The following PPL variants were observed in gnomAD, a reference collection of about 807,000 sequenced individuals.
PPL encodes periplakin.
A neutral mutation model predicts 194.4 loss-of-function variants in PPL; 198 were observed. That is an observed-to-expected ratio of 1.02 (90% CI 0.91 to 1.15). The LOEUF is 1.15. Ranked by LOEUF, PPL falls within the 50% of genes most tolerant of loss-of-function variation. The pLI is 0.00. For synonymous variants in PPL, 1,220 were observed against 972.4 expected (o/e 1.25, Z -4.74); for missense variants, 2,885 against 2,294.8 (o/e 1.26, Z -5.25).
intron 14 of PPL, 120 bp downstream of exon 14, chr16:4,893,093 C>T: frequency 1.6e-6 from 2 of 1,269,204 alleles, no homozygotes; most frequent in South Asian, 1.6e-5. Context: ...GCAGGCTGTC[C>T]CTGACAGACA....
At chr16:4,905,430 G>A (rs1037466097) in intron 2 of PPL, among the ~76,000 whole-genome samples, 1 of 152,190 alleles carries the variant, frequency 6.6e-6, no homozygotes, top group Non-Finnish European at 1.5e-5. Flanking sequence ...GTGGTTGCCT[G>A]GGGCAGGGCT....
At chr16:4,895,454 C>A (rs760971696) in intron 10 of PPL, 47 bp from the exon 11 acceptor site, 1 of 1,607,258 alleles carries the variant, frequency 6.2e-7, no homozygotes, top group Non-Finnish European at 8.5e-7. Context: ...ACAGCCTTCC[C>A]CCTGGTGGGA....
Position 4,902,177 on chromosome 16 carries a change from G to A in PPL, c.438+229C>T, listed in dbSNP as rs1005101641. On this transcript the variant is annotated intron_variant, in intron 4 of 21. Coordinates refer to ENST00000345988, the MANE Select transcript of PPL (RefSeq NM_002705.5). The surrounding 1 kb of genome is among the most constrained non-coding windows in gnomAD (Gnocchi z 4.0). ...CCAGGAGCAGCAGCGAGGTGTGGCT[G>A]ACAGGGGACAGAGTCCGAATCTCCA... 3.3e-5 allele frequency among the ~76,000 whole-genome samples: 5 copies of A among 152,174 alleles called. No individual in the cohort carries two copies. The highest frequency in any genetic ancestry group is 5.9e-5 in the Non-Finnish European group (4 of 68,036).
At chr16:4,929,296 T>C (rs779958245) in intron 1 of PPL, among the ~76,000 whole-genome samples, 14 of 152,068 alleles carry the variant, frequency 9.2e-5, no homozygotes, top group Non-Finnish European at 1.8e-4. Context: ...CTTCCAGGAC[T>C]GGGCCCCCTT....
chr16:4,922,809 G>C (rs2089077221), intron 1 of PPL, among the ~76,000 whole-genome samples: 1 of 152,352 alleles, frequency 6.6e-6, no homozygotes, highest in African/African-American at 2.4e-5. Context: ...GCCCAGACGT[G>C]CTTTGCTTCT....
intron 11 of PPL, among the ~76,000 whole-genome samples, chr16:4,895,017 ACCTGG>A (rs1173758006): frequency 6.6e-6 from 1 of 152,156 alleles, no homozygotes; most frequent in East Asian, 1.9e-4. Flanking sequence ...GCCAATGAGA[ACCTGG>A]CCTGGGACTT....
intron 1 of PPL, among the ~76,000 whole-genome samples, chr16:4,919,962 G>A (rs2089002294): frequency 6.6e-6 from 1 of 151,782 alleles, no homozygotes; most frequent in Non-Finnish European, 1.5e-5. Flanking sequence ...TGTATTTGTG[G>A]GGTGGGGGTA....
At position 4,892,228 on chromosome 16, in the gene PPL, G is replaced by A. The variant is rs1023429031; in HGVS notation, c.1651-15C>T. 7.5e-6 allele frequency: 12 copies of A among 1,603,618 alleles called. No homozygotes were observed. In the Admixed American group the frequency reaches 1.3e-4, roughly 18 times the overall value. On this transcript the variant is annotated splice_polypyrimidine_tract_variant and intron_variant, in intron 14 of 21. Coordinates refer to ENST00000345988, the MANE Select transcript of PPL (RefSeq NM_002705.5). ...TTGGTGATGTTCTGTGGGAACCAGG[G>A]CCCCTCAGTTTTGGACACAGCCAGG... is the stretch of plus-strand genomic sequence containing the variant.
At chr16:4,906,700 G>T (rs892336541) in intron 2 of PPL, among the ~76,000 whole-genome samples, 3 of 152,246 alleles carry the variant, frequency 2.0e-5, no homozygotes, top group Non-Finnish European at 2.9e-5. Context: ...ACATCTAGCT[G>T]AGGGAGGCTA....
At chr16:4,898,883 G>C (rs1314356773) in intron 8 of PPL, 130 bp downstream of exon 8, 6 of 700,928 alleles carry the variant, frequency 8.6e-6, no homozygotes, top group Non-Finnish European at 1.5e-5. Context: ...GCAAGAAAGA[G>C]ACAGACAGAC....
intron 9 of PPL, 102 bp downstream of exon 9, chr16:4,897,573 T>C: frequency 2.2e-6 from 2 of 903,528 alleles, no homozygotes; most frequent in Non-Finnish European, 3.5e-6. Context: ...GCAAGGCTCC[T>C]GGACCAAGGA....
rs767640519 is a variant in PPL at position 4,927,440 on chromosome 16, G to A, written c.62+9544C>T. ...GTCTTGGAAAGGGCTCTGACATGCTGTTCAAAACTCCTCAGGTGATTCTAA... is the reference window on the plus strand; with the variant it reads ...GTCTTGGAAAGGGCTCTGACATGCTATTCAAAACTCCTCAGGTGATTCTAA... On this transcript the variant is annotated intron_variant, in intron 1 of 21. Coordinates refer to ENST00000345988, the MANE Select transcript of PPL (RefSeq NM_002705.5). 3.9e-5 allele frequency among the ~76,000 whole-genome samples: 6 copies of A among 152,308 alleles called. No individual in the cohort carries two copies. The East Asian group carries it at 7.7e-4, about 20-fold the overall frequency.
At chr16:4,892,571 C>T (rs544728133) in intron 14 of PPL, among the ~76,000 whole-genome samples, 6 of 152,314 alleles carry the variant, frequency 3.9e-5, no homozygotes, top group Non-Finnish European at 5.9e-5. Context: ...GTGACGACTC[C>T]CAGCAGCTTA....
intron 18 of PPL, among the ~76,000 whole-genome samples, 189 bp from the exon 19 acceptor site, chr16:4,889,250 T>TGG (rs1303699099): frequency 0.056 from 5,774 of 103,522 alleles, 721 homozygotes; most frequent in Middle Eastern, 0.17. Context: ...TGTTTTTTTT[T>TGG]TTTTTTTTTT....
chr16:4,899,344 T>A lies in PPL; in HGVS notation c.647A>T (p.Gln216Leu), dbSNP rs186611345. The A allele has an allele frequency of 2.6e-4, 418 of 1,612,000 alleles. 2 individuals are homozygous for A. The East Asian group carries it at 8.7e-3, about 33-fold the overall frequency. Residue 216 changes from glutamine to leucine, a missense_variant, in exon 7 of 22, where the codon CAG becomes CTG. Transcript: ENST00000345988. Reference sequence around the variant, plus strand: ...ATTGGTGCAGCGCTGCATGTAGTCCTGCAGCGAACTCAGGTGCTGCTGCCG... The same window carrying A: ...ATTGGTGCAGCGCTGCATGTAGTCCAGCAGCGAACTCAGGTGCTGCTGCCG... ...QARQQHLSSL[Q>L]DYMQRCTNEL...
At position 4,883,636 on chromosome 16, in the gene PPL, T is replaced by G; in HGVS notation, c.5019A>C (p.Glu1673Asp). ...AGTCAATGAGCCCGGCACGGTGGGCTTCCTCCGGGGACAGCTCGCGGCCTG... is the reference window on the plus strand; with the variant it reads ...AGTCAATGAGCCCGGCACGGTGGGCGTCCTCCGGGGACAGCTCGCGGCCTG... ...PDTGRELSPE[E>D]AHRAGLIDWN... The change falls in exon 22 of 22, where the codon GAA (glutamate) becomes GAC (aspartate). Residue 1673 changes from glutamate (E) to aspartate (D), a missense_variant. Transcript: ENST00000345988. The surrounding 1 kb of genome is among the most constrained non-coding windows in gnomAD (Gnocchi z 4.8). 6.2e-7 allele frequency: 1 copy of G among 1,614,212 alleles called. No homozygotes were observed. The highest frequency in any genetic ancestry group is 8.5e-7 in the Non-Finnish European group (1 of 1,180,036).
chr16:4,922,824 T>C (rs1478192056), intron 1 of PPL, among the ~76,000 whole-genome samples: 1 of 152,196 alleles, frequency 6.6e-6, no homozygotes, highest in African/African-American at 2.4e-5. Flanking sequence ...GCTTCTGCCC[T>C]GTGAATGTTG....
At position 4,895,323 on chromosome 16, in the gene PPL, G is replaced by A. The variant is rs1477317885; in HGVS notation, c.1180C>T (p.Arg394Cys). 11 of 1,613,228 alleles carry A rather than the reference G, an allele frequency of 6.8e-6. No individual in the cohort carries two copies. Among genetic ancestry groups the A allele is most frequent in the East Asian group, 2.2e-5 (1 of 44,894 alleles). Reference protein sequence around the residue: ...RGQQVVPLKYRRETPLKPIPV... With the variant: ...RGQQVVPLKYCRETPLKPIPV... ...ATGGGCTTGAGCGGAGTCTCCCGGCGGTACTTGAGGGGCACCACCTGCTGG... is the reference window on the plus strand; with the variant it reads ...ATGGGCTTGAGCGGAGTCTCCCGGCAGTACTTGAGGGGCACCACCTGCTGG... The change falls in exon 11 of 22, where the codon CGC becomes TGC. Residue 394 changes from arginine (R) to cysteine (C), a missense_variant. By Grantham distance (180) the Arg-to-Cys change is radical (BLOSUM62 -3). Coordinates refer to ENST00000345988, the MANE Select transcript of PPL (RefSeq NM_002705.5).
At chr16:4,918,700 C>G (rs2088976411) in intron 1 of PPL, among the ~76,000 whole-genome samples, 1 of 152,200 alleles carries the variant, frequency 6.6e-6, no homozygotes, top group South Asian at 2.1e-4. Context: ...ATCCAGGCCT[C>G]CGGAAGCACA....
Sources: gnomAD v4.1 joint callset for allele counts (sites outside exome capture counted in the v4.1 genomes callset) on GRCh38, gnomAD v4.1.1 for gene constraint, Gnocchi (gnomAD v3.1) non-coding constraint, MANE v1.5 for transcripts, NCBI Gene and HGNC (gene_info 2026-07-23, HGNC 2026-07-21) for gene names.